ST7L: variants seen among roughly 807,000 people sequenced by gnomAD.
ST7L encodes the protein suppression of tumorigenicity 7 like, also known as suppressor of tumorigenicity 7 protein-like.
ST7L carries 57 observed loss-of-function variants against 72.5 expected under a neutral mutation model. That is an observed-to-expected ratio of 0.79 (90% CI 0.64 to 0.98). The LOEUF (loss-of-function observed/expected upper bound fraction) is 0.98, where lower values mean the gene tolerates loss of function less well. ST7L is among the 50% of genes least tolerant of loss of function. ST7L has a pLI of 0.00. For synonymous variants in ST7L, 221 were observed against 240.9 expected, an observed-to-expected ratio of 0.92 and a Z score of 0.77; for missense variants, 576 against 672.2, an observed-to-expected ratio of 0.86 and a Z score of 1.58.
intron 11 of ST7L, among the ~76,000 whole-genome samples, chr1:112,570,188 A>C (rs1661833678): frequency 6.6e-6 from 1 of 152,174 alleles, no homozygotes; most frequent in Non-Finnish European, 1.5e-5. Flanking sequence ...CTAAATAATG[A>C]AGAATAAGTC....
At chr1:112,540,728 GA>G in intron 14 of ST7L, 1 of 1,222,404 alleles carries the variant, frequency 8.2e-7, no homozygotes, top group East Asian at 5.9e-5. Flanking sequence ...AAACTGTGAG[GA>G]AACAAGTTAG....
intron 11 of ST7L, among the ~76,000 whole-genome samples, chr1:112,570,112 T>C (rs768937017): frequency 3.9e-5 from 6 of 152,082 alleles, no homozygotes; most frequent in Non-Finnish European, 8.8e-5. Flanking sequence ...ATATAGTAGC[T>C]GAAAGATAAA....
chr1:112,612,962 A>T (rs962332098), intron 2 of ST7L, among the ~76,000 whole-genome samples: 8 of 151,658 alleles, frequency 5.3e-5, no homozygotes, highest in Admixed American at 5.3e-4. Flanking sequence ...TACAAAACAT[A>T]AAAAAAATGA....
In ST7L at chr1:112,523,989, G is replaced by C. The variant is rs1653033710; in HGVS notation, c.*2024C>G. ...TGATGCTGGAAAAATAAAATCAGGG[G>C]CTTCAGATTAAAAAAAAAAACAAAA... On this transcript the variant is annotated 3_prime_UTR_variant, in exon 15 of 15. Transcript: ENST00000358039. The C allele has an allele frequency of 6.6e-6, 1 of 151,016 alleles. No individual in the cohort carries two copies. Among genetic ancestry groups the C allele is most frequent in the Non-Finnish European group, 1.5e-5 (1 of 67,832 alleles). The allele number at this position is 151,016 out of a possible 1,614,324, so 9.4% of individuals were successfully genotyped here. A position where few individuals can be genotyped will look rare whatever the true frequency, so the allele number is the denominator to read the frequency against.
chr1:112,603,949 GGGAACACAAT>G (rs1667809861), intron 3 of ST7L, among the ~76,000 whole-genome samples: 1 of 152,068 alleles, frequency 6.6e-6, no homozygotes, highest in African/African-American at 2.4e-5. Context: ...ATGAATTTTG[GGGAACACAAT>G]TCAGTCTACA....
intron 13 of ST7L, among the ~76,000 whole-genome samples, chr1:112,544,071 G>A (rs1164440414): frequency 1.3e-5 from 2 of 152,068 alleles, no homozygotes; most frequent in African/African-American, 4.8e-5. Context: ...TAACAATACT[G>A]AGATGAGCCT....
intron 1 of ST7L, 176 bp downstream of exon 1, chr1:112,618,733 C>T: frequency 7.5e-7 from 1 of 1,325,598 alleles, no homozygotes; most frequent in Non-Finnish European, 1.0e-6. Context: ...GTAACGGCAG[C>T]AGGCTTGTCA....
At chr1:112,596,689 G>C (rs888973507) in intron 5 of ST7L, among the ~76,000 whole-genome samples, 2 of 151,844 alleles carry the variant, frequency 1.3e-5, no homozygotes, top group African/African-American at 4.8e-5. Context: ...CTAGGCTAGA[G>C]TGCAATGGCC....
intron 3 of ST7L, among the ~76,000 whole-genome samples, chr1:112,606,285 T>C (rs1668228395): frequency 6.6e-6 from 1 of 152,210 alleles, no homozygotes; most frequent in Admixed American, 6.5e-5. Flanking sequence ...TTCATCTCTT[T>C]CCTTTCACAT....
intron 6 of ST7L, among the ~76,000 whole-genome samples, chr1:112,590,527 C>A (rs1490545928): frequency 6.6e-6 from 1 of 152,082 alleles, no homozygotes; most frequent in African/African-American, 2.4e-5. Context: ...ATAAGGATAG[C>A]GTATATACTT....
chr1:112,560,393 CA>C (rs1659926109), intron 11 of ST7L, among the ~76,000 whole-genome samples: 2 of 151,236 alleles, frequency 1.3e-5, no homozygotes, highest in African/African-American at 4.9e-5. Context: ...GACTCTGTCT[CA>C]AAAAAACCCA....
intron 14 of ST7L, chr1:112,540,895 C>T (rs1030013879): frequency 3.2e-6 from 4 of 1,239,418 alleles, no homozygotes; most frequent in Non-Finnish European, 4.2e-6. Context: ...CAAAGATGTA[C>T]AAGAAAGATG....
rs763847640 is a variant in ST7L, at chr1:112,577,060, C to G, written c.1171G>C (p.Gly391Arg). ...KFSPETASRRGLSTAEINAVE... is the reference protein window; with the variant it reads ...KFSPETASRRRLSTAEINAVE... ...GCATTAATTTCTGCTGTGCTTAATC[C>G]TCTTCTGGAGGCTGTTTCTGGAGAG... The change falls in exon 11 of 15, where the codon GGA becomes CGA. Residue 391 changes from glycine to arginine, a missense_variant. Gly to Arg is a moderately radical substitution (Grantham distance 125). Around this residue, in one of 3 missense-constraint regions of ST7L, gnomAD observed 511 missense variants for 600.7 expected, o/e 0.85. Coordinates refer to ENST00000358039, the MANE Select transcript of ST7L (RefSeq NM_017744.5). The G allele has an allele frequency of 2.5e-6, 4 of 1,605,534 alleles. No individual in the cohort carries two copies. The highest frequency in any genetic ancestry group is 1.3e-5 in the African/African-American group (1 of 74,750).
At chr1:112,542,985 G>C (rs1656413426) in intron 13 of ST7L, among the ~76,000 whole-genome samples, 1 of 151,990 alleles carries the variant, frequency 6.6e-6, no homozygotes, top group South Asian at 2.1e-4. Context: ...ATTTTTAGTA[G>C]AGAGGGGTTT....
chr1:112,610,826 T>C lies in ST7L; in HGVS notation c.451+15A>G. The C allele has an allele frequency of 6.2e-7, 1 of 1,612,648 alleles. No individual in the cohort carries two copies. Among genetic ancestry groups the C allele is most frequent in the Non-Finnish European group, 8.5e-7 (1 of 1,179,400 alleles). On this transcript the variant is annotated intron_variant, in intron 3 of 14. Transcript: ENST00000358039. ...TAAATACACAGCTCTGAAAACACAT[T>C]AGAAAAGTAGTCACCTGACAAATTC...
chr1:112,619,364 A>C (rs1386451277), upstream of ST7L: 4 of 579,154 alleles, frequency 6.9e-6, no homozygotes, highest in Non-Finnish European at 1.2e-5. Context: ...GTGACCCCGA[A>C]GTGTTACCGC....
At chr1:112,585,885 T>A (rs1664803302) in intron 6 of ST7L, among the ~76,000 whole-genome samples, 1 of 152,226 alleles carries the variant, frequency 6.6e-6, no homozygotes, top group Admixed American at 6.5e-5. Context: ...TTAGTGCTTA[T>A]CTCAGCAAGA....
chr1:112,595,899 T>C (rs1011591745), intron 5 of ST7L, among the ~76,000 whole-genome samples: 2 of 152,234 alleles, frequency 1.3e-5, no homozygotes, highest in Non-Finnish European at 2.9e-5. Context: ...AAGGGACATA[T>C]TCTTTTTCAA....
intron 6 of ST7L, among the ~76,000 whole-genome samples, chr1:112,589,232 G>A (rs1287088067): frequency 6.6e-6 from 1 of 151,808 alleles, no homozygotes; most frequent in Non-Finnish European, 1.5e-5. Context: ...GGCTTCACAG[G>A]GGCAGTTTCT....
Sources: gnomAD v4.1 joint callset for allele counts (sites outside exome capture counted in the v4.1 genomes callset) on GRCh38, gnomAD v4.1.1 for gene constraint, gnomAD v4.1.1 regional missense constraint, MANE v1.5 for transcripts, NCBI Gene and HGNC (gene_info 2026-07-23, HGNC 2026-07-21) for gene names.